OXR1: variants seen among roughly 807,000 people sequenced by gnomAD.
The protein encoded by OXR1 is oxidation resistance protein 1.
OXR1 carries 41 observed loss-of-function variants against 104.6 expected under a neutral mutation model. That is an observed-to-expected ratio of 0.39 (90% confidence interval 0.31 to 0.51). The LOEUF (loss-of-function observed/expected upper bound fraction) is 0.51. OXR1 is among the 20% of genes least tolerant of loss of function. The pLI, the probability that OXR1 is intolerant of heterozygous loss-of-function variation, is 0.77. For synonymous variants in OXR1, 348 were observed against 348.4 expected (o/e 1.00, Z 0.01); for missense variants, 955 against 1,031.9 (o/e 0.93, Z 1.02).
intron 10 of OXR1, among the ~76,000 whole-genome samples, chr8:106,713,070 C>A (rs1412470981): frequency 2.6e-5 from 4 of 151,740 alleles, no homozygotes; most frequent in African/African-American, 9.7e-5. Flanking sequence ...AAATGTAGCA[C>A]CTTTTAAATA....
intron 1 of OXR1, among the ~76,000 whole-genome samples, chr8:106,287,690 A>G (rs1386697851): frequency 6.6e-6 from 1 of 152,166 alleles, no homozygotes; most frequent in Admixed American, 6.5e-5. Context: ...AGAAAGTAGC[A>G]TGAGCATAAT....
intron 11 of OXR1, among the ~76,000 whole-genome samples, chr8:106,731,114 G>A (rs969501018): frequency 1.3e-5 from 2 of 152,058 alleles, no homozygotes; most frequent in African/African-American, 4.8e-5. Flanking sequence ...TTTCCCTGGT[G>A]ACATATCATA....
chr8:106,430,380 C>G (rs970114272), intron 2 of OXR1, among the ~76,000 whole-genome samples: 3 of 152,116 alleles, frequency 2.0e-5, no homozygotes, highest in Non-Finnish European at 4.4e-5. Context: ...CATTTCAGAG[C>G]TAAGAGAAAG....
intron 11 of OXR1, among the ~76,000 whole-genome samples, chr8:106,722,577 C>G (rs1437634460): frequency 6.6e-6 from 1 of 152,128 alleles, no homozygotes; most frequent in Non-Finnish European, 1.5e-5. Flanking sequence ...GCATTACCCT[C>G]TCTATGTTTA....
At chr8:106,428,693 T>C (rs1244277680) in intron 2 of OXR1, among the ~76,000 whole-genome samples, 2 of 151,482 alleles carry the variant, frequency 1.3e-5, no homozygotes, top group African/African-American at 4.9e-5. Flanking sequence ...ACATAGAATA[T>C]AGGATTAGAA....
At chr8:106,339,431 C>T (rs1322885160) in intron 1 of OXR1, among the ~76,000 whole-genome samples, 2 of 133,380 alleles carry the variant, frequency 1.5e-5, no homozygotes, top group Non-Finnish European at 3.1e-5. Context: ...GCAGGCGGAG[C>T]TTGCAGTGAG....
intron 14 of OXR1, among the ~76,000 whole-genome samples, 172 bp from the exon 15 acceptor site, chr8:106,742,050 A>G (rs943394029): frequency 6.6e-6 from 1 of 152,212 alleles, no homozygotes; most frequent in Non-Finnish European, 1.5e-5. Context: ...TTCATATTTG[A>G]CAATAATGTA....
intron 1 of OXR1, among the ~76,000 whole-genome samples, chr8:106,300,688 C>T (rs1380585134): frequency 2.6e-5 from 4 of 152,050 alleles, no homozygotes; most frequent in Admixed American, 1.3e-4. Flanking sequence ...AGAAACAGAT[C>T]GAAAGGTAAC....
At chr8:106,524,315 G>C (rs1813489852) in intron 3 of OXR1, among the ~76,000 whole-genome samples, 1 of 152,190 alleles carries the variant, frequency 6.6e-6, no homozygotes, top group Non-Finnish European at 1.5e-5. Flanking sequence ...AGGTAGTAAA[G>C]AAAACTGTGC....
chr8:106,346,761 T>C (rs537100381), intron 1 of OXR1, among the ~76,000 whole-genome samples: 25 of 152,092 alleles, frequency 1.6e-4, no homozygotes, highest in Non-Finnish European at 3.1e-4. Flanking sequence ...AAGCTCTGGC[T>C]GGGCGCGGTG....
At chr8:106,315,986 A>G (rs955926854) in intron 1 of OXR1, among the ~76,000 whole-genome samples, 2 of 152,218 alleles carry the variant, frequency 1.3e-5, no homozygotes, top group African/African-American at 2.4e-5. Context: ...TTAAAAACAG[A>G]TAATCTATAG....
intron 1 of OXR1, among the ~76,000 whole-genome samples, chr8:106,297,721 A>C (rs982838049): frequency 6.6e-6 from 1 of 152,174 alleles, no homozygotes; most frequent in Non-Finnish European, 1.5e-5. Context: ...ACACTATCCT[A>C]GCTGTTTCCA....
rs971570948 is a variant in OXR1, at chr8:106,488,766, C to A, written c.24-30177C>A. Among the ~76,000 whole-genome samples, 138 of 147,094 alleles carry A rather than the reference C, an allele frequency of 9.4e-4. 3 individuals carry two copies. Among genetic ancestry groups the A allele is most frequent in the Admixed American group, 4.1e-4 (6 of 14,764 alleles). On this transcript the variant is annotated intron_variant, in intron 2 of 16. Coordinates refer to ENST00000517566, the MANE Select transcript of OXR1 (RefSeq NM_001198533.2). ...TGGCATTATTTCTGAGGGCTCTGTT[C>A]TGTTCCATTGATCTATATCTCTGTT...
In OXR1 at chr8:106,712,561, T is replaced by C. The variant is rs140752991; in HGVS notation, c.1794-1262T>C. 1.7e-3 allele frequency among the ~76,000 whole-genome samples: 261 copies of C among 152,194 alleles called. 1 individual carries two copies. Among genetic ancestry groups the C allele is most frequent in the African/African-American group, 5.4e-3 (224 of 41,574 alleles). The stretch of plus-strand genomic sequence containing the variant: ...CATATGGAAATTGGAGATACGCGAA[T>C]TGATTCCCTTAGCACCATCTTACAC... On this transcript the variant is annotated intron_variant, in intron 10 of 16. Transcript: ENST00000517566.
chr8:106,734,588 G>A (rs1834206739), intron 11 of OXR1, among the ~76,000 whole-genome samples: 1 of 152,128 alleles, frequency 6.6e-6, no homozygotes, highest in Non-Finnish European at 1.5e-5. Context: ...CGTCCATAAG[G>A]TATTGTTCTT....
intron 6 of OXR1, among the ~76,000 whole-genome samples, chr8:106,684,890 T>A (rs921748610): frequency 6.6e-6 from 1 of 152,194 alleles, no homozygotes. Flanking sequence ...GAACTAAACT[T>A]CATTTAATAA....
chr8:106,718,092 A>G (rs1327697125), intron 11 of OXR1, among the ~76,000 whole-genome samples: 1 of 152,204 alleles, frequency 6.6e-6, no homozygotes, highest in Non-Finnish European at 1.5e-5. Context: ...ATTTACTGCG[A>G]TAGTGTGAAA....
chr8:106,397,415 C>T (rs1012045848), intron 2 of OXR1, among the ~76,000 whole-genome samples: 13 of 151,958 alleles, frequency 8.6e-5, no homozygotes, highest in South Asian at 2.1e-4. Flanking sequence ...ACTTTTCTAT[C>T]TTCTGATTTA....
At chr8:106,522,437 TTTA>T (rs1279327227) in intron 3 of OXR1, among the ~76,000 whole-genome samples, 2 of 152,226 alleles carry the variant, frequency 1.3e-5, no homozygotes, top group African/African-American at 4.8e-5. Context: ...ATTGTTACTG[TTTA>T]TTGTTTTTAC....
Sources: allele counts gnomAD v4.1 joint callset (sites outside exome capture counted in the v4.1 genomes callset), GRCh38; gene constraint gnomAD v4.1.1; transcripts MANE v1.5; gene names NCBI Gene and HGNC (gene_info 2026-07-23, HGNC 2026-07-21).